PPP2R5D: variants seen among roughly 807,000 people sequenced by gnomAD.
The protein encoded by PPP2R5D is protein phosphatase 2 regulatory subunit B'delta.
PPP2R5D carries 12 observed loss-of-function variants against 79.1 expected under a neutral mutation model. That is an observed-to-expected ratio of 0.15 (90% CI 0.10 to 0.25). The LOEUF is 0.25. Among genes scored for constraint, PPP2R5D ranks in the 10% least tolerant of loss-of-function variants. PPP2R5D has a pLI of 1.00. For synonymous variants in PPP2R5D, 277 were observed against 286.6 expected (o/e 0.97, Z 0.34); for missense variants, 419 against 760.2 (o/e 0.55, Z 5.28).
rs368820701 is a variant in PPP2R5D at position 43,010,526 on chromosome 6, C to T, written c.1438C>T (p.Leu480=). The part of the protein sequence containing the change: ...LKLFMEMNQK[L]FDDCTQQYKA... ...GTTGTTTATGGAAATGAATCAGAAG[C>T]TGTTTGATGACTGCACACAACAATA... The change falls in exon 13 of 16, where the codon CTG becomes TTG. Residue 480 remains leucine (L), a synonymous_variant. Coordinates refer to ENST00000485511, the MANE Select transcript of PPP2R5D (RefSeq NM_006245.4). The surrounding 1 kb of genome is among the most constrained non-coding windows in gnomAD (Gnocchi z 4.7). 37 of 1,613,990 alleles carry T rather than the reference C, an allele frequency of 2.3e-5. No homozygotes were observed. Among genetic ancestry groups the T allele is most frequent in the Non-Finnish European group, 2.9e-5 (34 of 1,180,028 alleles).
At position 43,011,006 on chromosome 6, in the gene PPP2R5D, G is replaced by A; in HGVS notation, c.1671+9G>A. On this transcript the variant is annotated intron_variant, in intron 15 of 15. Transcript: ENST00000485511. ...AGACTGAGGCTGTTCAGGTGGGAGGGCAATGTAGGGGGATGGAGCAGAAAT... is the reference window on the plus strand; with the variant it reads ...AGACTGAGGCTGTTCAGGTGGGAGGACAATGTAGGGGGATGGAGCAGAAAT... 2 of 1,612,040 alleles carry A rather than the reference G, an allele frequency of 1.2e-6. No individual in the cohort carries two copies. The highest frequency in any genetic ancestry group is 1.7e-6 in the Non-Finnish European group (2 of 1,178,122).
rs1762097626 is a variant in PPP2R5D at position 43,006,668 on chromosome 6, C to A, written c.311C>A (p.Pro104His). 1 of 1,613,918 alleles carries A rather than the reference C, an allele frequency of 6.2e-7. No homozygotes were observed. Among genetic ancestry groups the A allele is most frequent in the Non-Finnish European group, 8.5e-7 (1 of 1,179,958 alleles). Reference sequence around the variant, plus strand: ...AAGAATCGGGAGCTGCAGAAGCTTCCTGCCCTGAAAGGTACTTGGCAATTG... The same window carrying A: ...AAGAATCGGGAGCTGCAGAAGCTTCATGCCCTGAAAGGTACTTGGCAATTG... ...LSKNRELQKL[P>H]ALKDSPTQER... Residue 104 changes from proline to histidine, a missense_variant, in exon 3 of 16, where the codon CCT becomes CAT. Around this residue, in one of 5 missense-constraint regions of PPP2R5D, gnomAD observed 110 missense variants for 147.6 expected, o/e 0.75. Coordinates refer to ENST00000485511, the MANE Select transcript of PPP2R5D (RefSeq NM_006245.4). The surrounding 1 kb of genome is among the most constrained non-coding windows in gnomAD (Gnocchi z 4.7).
intron 2 of PPP2R5D, among the ~76,000 whole-genome samples, chr6:42,998,141 G>A (rs145352632): frequency 0.29 from 36,214 of 125,968 alleles, 7,908 homozygotes; most frequent in African/African-American, 0.62. Context: ...GTGGTGTGAT[G>A]CTGGCTCACT....
chr6:43,000,263 A>T (rs1336395207), intron 2 of PPP2R5D, among the ~76,000 whole-genome samples: 1 of 86,534 alleles, frequency 1.2e-5, no homozygotes, highest in African/African-American at 8.8e-5. Flanking sequence ...TTTGAGATAG[A>T]GTCTTGCTCT....
chr6:42,987,383 G>C (rs1770929778), intron 1 of PPP2R5D, among the ~76,000 whole-genome samples: 2 of 152,006 alleles, frequency 1.3e-5, no homozygotes, highest in South Asian at 4.1e-4. Context: ...TTCCTGAGTA[G>C]GGTGCCCCTG....
rs1762291302 is a variant in PPP2R5D, at chr6:43,010,333, C to T, written c.1380-135C>T. On this transcript the variant is annotated intron_variant, in intron 12 of 15. Transcript: ENST00000485511. The surrounding 1 kb of genome is among the most constrained non-coding windows in gnomAD (Gnocchi z 4.7). ...TGGCCAGAGCTCTCTTCTGATACTG[C>T]ACAGAGGTTTGTGAACTGGAAGTAG... 1 of 708,586 alleles carries T rather than the reference C, an allele frequency of 1.4e-6. No homozygotes were observed. Among genetic ancestry groups the T allele is most frequent in the Non-Finnish European group, 2.5e-6 (1 of 407,094 alleles). The allele number at this position is 708,586 out of a possible 1,614,324, so 43.9% of individuals were successfully genotyped here. A position where few individuals can be genotyped will look rare whatever the true frequency, so the allele number is the denominator to read the frequency against.
intron 1 of PPP2R5D, among the ~76,000 whole-genome samples, chr6:42,985,721 C>T (rs1487213873): frequency 6.6e-6 from 1 of 151,828 alleles, no homozygotes; most frequent in Non-Finnish European, 1.5e-5. Flanking sequence ...GCCTGCAGGC[C>T]AGCCACCCCT....
rs745622411 is a variant in PPP2R5D at position 43,006,440 on chromosome 6, C to T, written c.106-23C>T. 3.7e-6 allele frequency: 6 copies of T among 1,610,138 alleles called. No homozygotes were observed. The African/African-American group carries it at 8.0e-5, about 22-fold the overall frequency. ...GAGGCATATCTTGGGAAGTGGATTTCAACAGGTGACTTGTTTGACCAGGCC... is the reference window on the plus strand; with the variant it reads ...GAGGCATATCTTGGGAAGTGGATTTTAACAGGTGACTTGTTTGACCAGGCC... On this transcript the variant is annotated intron_variant, in intron 2 of 15. Transcript: ENST00000485511. This position sits in a 1 kb window ranked among gnomAD's most constrained non-coding sequence, Gnocchi z 4.7.
intron 1 of PPP2R5D, among the ~76,000 whole-genome samples, chr6:42,986,850 G>T (rs1290716881): frequency 6.6e-6 from 1 of 151,662 alleles, no homozygotes; most frequent in East Asian, 1.9e-4. Context: ...TTGGGAAAGG[G>T]TGTTGGAAGT....
At chr6:42,988,391 G>A (rs1245528106) in intron 1 of PPP2R5D, among the ~76,000 whole-genome samples, 1 of 152,210 alleles carries the variant, frequency 6.6e-6, no homozygotes, top group Non-Finnish European at 1.5e-5. Flanking sequence ...TCACTAGGTG[G>A]CCAGTTTTAG....
Position 43,007,152 on chromosome 6 carries a change from T to C in PPP2R5D, c.522+42T>C. On this transcript the variant is annotated intron_variant, in intron 4 of 15. Coordinates refer to ENST00000485511, the MANE Select transcript of PPP2R5D (RefSeq NM_006245.4). This position sits in a 1 kb window ranked among gnomAD's most constrained non-coding sequence, Gnocchi z 4.5. ...GACACAGGGGGGACTGGTGAGGGGC[T>C]CTGGAGAAGCCCAGGTGGAGCTCTA... The C allele has an allele frequency of 1.2e-6, 2 of 1,614,102 alleles. No individual in the cohort carries two copies. The highest frequency in any genetic ancestry group is 1.7e-6 in the Non-Finnish European group (2 of 1,179,972).
At chr6:42,993,848 G>A (rs1480128989) in intron 2 of PPP2R5D, among the ~76,000 whole-genome samples, 1 of 152,188 alleles carries the variant, frequency 6.6e-6, no homozygotes, top group Admixed American at 6.5e-5. Flanking sequence ...ATTCTAGGTG[G>A]ACATGAATTT....
rs1468045537 is a variant in PPP2R5D at position 43,010,457 on chromosome 6, C to T, written c.1380-11C>T. Reference sequence around the variant, plus strand: ...TGGCCTCCTACACCTCATCTTTCTTCTTGGTGGCAGGACAATCCATGGACT... The same window carrying T: ...TGGCCTCCTACACCTCATCTTTCTTTTTGGTGGCAGGACAATCCATGGACT... On this transcript the variant is annotated splice_polypyrimidine_tract_variant and intron_variant, in intron 12 of 15. Transcript: ENST00000485511. This position sits in a 1 kb window ranked among gnomAD's most constrained non-coding sequence, Gnocchi z 4.7. 1.9e-6 allele frequency: 3 copies of T among 1,612,750 alleles called. No individual in the cohort carries two copies. The highest frequency in any genetic ancestry group is 1.7e-5 in the Admixed American group (1 of 59,994).
intron 2 of PPP2R5D, among the ~76,000 whole-genome samples, chr6:42,991,007 C>T (rs1476166656): frequency 1.3e-5 from 2 of 152,270 alleles, no homozygotes; most frequent in Admixed American, 6.5e-5. Flanking sequence ...CCACTGCACC[C>T]GGCCCTTATG....
At chr6:42,994,068 A>T (rs551935872) in intron 2 of PPP2R5D, among the ~76,000 whole-genome samples, 1 of 152,284 alleles carries the variant, frequency 6.6e-6, no homozygotes, top group South Asian at 2.1e-4. Flanking sequence ...GCACTTTGGG[A>T]GGCCGAGGAG....
At position 43,006,803 on chromosome 6, in the gene PPP2R5D, C is replaced by CA; in HGVS notation, c.323-107dup. ...TCCAGAGAATGCGGGAAGGGGGTGCCAGGGAGCAGGATGGTGGCAGGGTGG... is the reference window on the plus strand; with the variant it reads ...TCCAGAGAATGCGGGAAGGGGGTGCCAAGGGAGCAGGATGGTGGCAGGGTGG... On this transcript the variant is annotated intron_variant, in intron 3 of 15. Transcript: ENST00000485511. The surrounding 1 kb of genome is among the most constrained non-coding windows in gnomAD (Gnocchi z 4.7). The CA allele has an allele frequency of 6.4e-7, 1 of 1,571,716 alleles. No homozygotes were observed. Among genetic ancestry groups the CA allele is most frequent in the Admixed American group, 1.7e-5 (1 of 58,898 alleles).
chr6:42,994,818 C>CAAA lies in PPP2R5D; in HGVS notation c.105+5145_105+5147dup, dbSNP rs57606135. On this transcript the variant is annotated intron_variant, in intron 2 of 15. Coordinates refer to ENST00000485511, the MANE Select transcript of PPP2R5D (RefSeq NM_006245.4). ...GGGCAACAAGAGCAAAACTCCATCT[C>CAAA]AAAAAAAAAAAAAAAAATTAATGTC... Among the ~76,000 whole-genome samples the CAAA allele has an allele frequency of 1.6e-4, 18 of 110,168 alleles. 1 individual carries two copies. The highest frequency in any genetic ancestry group is 5.2e-4 in the African/African-American group (16 of 30,620). 72.3% of individuals were successfully genotyped at this position (110,168 alleles called of 152,430 possible).
intron 2 of PPP2R5D, among the ~76,000 whole-genome samples, chr6:43,004,725 T>C (rs1761968600): frequency 6.6e-6 from 1 of 151,796 alleles, no homozygotes; most frequent in Admixed American, 6.6e-5. Context: ...AAATATTTTT[T>C]ACAACTAAAC....
At chr6:42,985,022 T>TC (rs540427640) in intron 1 of PPP2R5D, among the ~76,000 whole-genome samples, 5 of 149,996 alleles carry the variant, frequency 3.3e-5, no homozygotes, top group South Asian at 4.2e-4. Context: ...GCTTTTTCTG[T>TC]CCCCCCCATC....
Sources: allele counts gnomAD v4.1 joint callset (sites outside exome capture counted in the v4.1 genomes callset), GRCh38; gene constraint gnomAD v4.1.1; regional missense constraint gnomAD v4.1.1; non-coding constraint Gnocchi (gnomAD v3.1); transcripts MANE v1.5; gene names NCBI Gene and HGNC (gene_info 2026-07-23, HGNC 2026-07-21).